Variants in PRDM1 observed in about 807,000 individuals in gnomAD.
The protein encoded by PRDM1 is PR domain zinc finger protein 1.
PRDM1 carries 13 observed loss-of-function variants against 62.8 expected under a neutral mutation model. That is an observed-to-expected ratio of 0.21 (90% CI 0.13 to 0.33). PRDM1 has a LOEUF of 0.33. Ranked by LOEUF, PRDM1 falls within the 10% of genes least tolerant of loss-of-function variation. PRDM1 has a pLI of 1.00. For missense variants in PRDM1, 895 were observed against 1,058.8 expected, an observed-to-expected ratio of 0.85 and a Z score of 2.15; for synonymous variants, 396 against 417.6, an observed-to-expected ratio of 0.95 and a Z score of 0.63.
At chr6:105,998,913 A>T (rs1210580998) in intron 1 of PRDM1, among the ~76,000 whole-genome samples, 4 of 13,844 alleles carry the variant, frequency 2.9e-4, no homozygotes, top group Non-Finnish European at 5.8e-4. Flanking sequence ...ATATATATAT[A>T]TATATATATA....
At chr6:106,071,930 C>T (rs1378317338) in intron 1 of PRDM1, among the ~76,000 whole-genome samples, 2 of 152,156 alleles carry the variant, frequency 1.3e-5, no homozygotes, top group African/African-American at 2.4e-5. Context: ...AATACTGGTG[C>T]CTGGCTCCCA....
At chr6:106,048,713 A>T (rs1773120021) in exon 1 of PRDM1, among the ~76,000 whole-genome samples, 1 of 152,192 alleles carries the variant, frequency 6.6e-6, no homozygotes, top group Non-Finnish European at 1.5e-5. Context: ...AAGGCCAGAA[A>T]GGTAGGGGAA....
At chr6:106,047,038 G>T (rs1206160299), upstream of PRDM1, among the ~76,000 whole-genome samples, 2 of 152,144 alleles carry the variant, frequency 1.3e-5, no homozygotes, top group Non-Finnish European at 2.9e-5. Context: ...TTAAGAGATT[G>T]GTGCTAACCA....
intron 1 of PRDM1, among the ~76,000 whole-genome samples, chr6:106,081,195 A>ACGAATTTGGTTTAGG (rs931863194): frequency 2.6e-5 from 4 of 152,142 alleles, no homozygotes; most frequent in African/African-American, 9.7e-5. Flanking sequence ...AAACTCAGAC[A>ACGAATTTGGTTTAGG]CGAATTTGGT....
rs146791963 is a variant in PRDM1, at chr6:106,036,426, A to G, written c.-67+42787A>G. Among the ~76,000 whole-genome samples the G allele has an allele frequency of 3.2e-3, 482 of 152,312 alleles. 2 individuals are homozygous for G. The highest frequency in any genetic ancestry group is 4.6e-3 in the Non-Finnish European group (315 of 68,040). On this transcript the variant is annotated intron_variant, in intron 1 of 6. Transcript: ENST00000652320. ...TTTGCATTTATTTGTATATTCCGTA[A>G]CTATTTAATTTCTTTGTATTTGCCA... is the stretch of plus-strand genomic sequence containing the variant.
chr6:106,035,159 A>G (rs149870874), intron 1 of PRDM1, among the ~76,000 whole-genome samples: 106 of 152,292 alleles, frequency 7.0e-4, no homozygotes, highest in African/African-American at 2.3e-3. Context: ...CTATTATTGT[A>G]GAACTGACTA....
At chr6:106,038,209 T>C (rs1772949065) in intron 1 of PRDM1, among the ~76,000 whole-genome samples, 1 of 151,930 alleles carries the variant, frequency 6.6e-6, no homozygotes, top group Admixed American at 6.6e-5. Flanking sequence ...GGTTTCGAAC[T>C]ACTGACCTCA....
At chr6:106,078,261 G>T (rs1432924782) in intron 1 of PRDM1, 3 of 152,138 alleles carry the variant, frequency 2.0e-5, no homozygotes, top group South Asian at 2.1e-4. Context: ...TTACCTCCTG[G>T]AAGACATAAA....
At chr6:106,038,165 A>G (rs149668977) in intron 1 of PRDM1, among the ~76,000 whole-genome samples, 77 of 151,362 alleles carry the variant, frequency 5.1e-4, no homozygotes, top group South Asian at 8.4e-4. Context: ...TTCTATTTTT[A>G]GTAGACACAG....
At position 106,042,532 on chromosome 6, in the gene PRDM1, A is replaced by C. The variant is rs533081920; in HGVS notation, c.-66-45669A>C. Among the ~76,000 whole-genome samples the C allele has an allele frequency of 1.0e-3, 158 of 151,808 alleles. 1 individual carries two copies. Among genetic ancestry groups the C allele is most frequent in the African/African-American group, 3.7e-3 (152 of 41,396 alleles). On this transcript the variant is annotated intron_variant, in intron 1 of 6. Transcript: ENST00000652320. ...ACAGGAGTGAAACTCTGTCTCAAAA[A>C]AAAAAAACAAACAAACAACAACAAC...
intron 2 of PRDM1, among the ~76,000 whole-genome samples, chr6:106,089,929 T>G (rs1039355716): frequency 6.6e-6 from 1 of 152,234 alleles, no homozygotes; most frequent in Admixed American, 6.5e-5. Flanking sequence ...AAATCTCCAT[T>G]CTGTGGGTCA....
chr6:106,070,054 T>C (rs1773486472), intron 1 of PRDM1, among the ~76,000 whole-genome samples: 1 of 152,216 alleles, frequency 6.6e-6, no homozygotes, highest in Admixed American at 6.5e-5. Context: ...CATTTGTGTC[T>C]GTTGCATGTT....
chr6:106,091,735 T>C (rs1190214707), intron 2 of PRDM1, among the ~76,000 whole-genome samples: 1 of 151,696 alleles, frequency 6.6e-6, no homozygotes, highest in Non-Finnish European at 1.5e-5. Flanking sequence ...ATCGTGCCAT[T>C]GCACTCCAGC....
Position 106,104,977 on chromosome 6 carries a change from C to G in PRDM1, c.817C>G (p.Pro273Ala), listed in dbSNP as rs746618696. ...GKDLYRSNIS[P>A]LTSEKDLDDF... ...GGACCTCTACCGTTCTAACATTTCA[C>G]CCCTCACATCAGAAAAGGACCTCGA... Residue 273 changes from proline to alanine, a missense_variant, in exon 5 of 7, where the codon CCC becomes GCC. Coordinates refer to ENST00000369096, the MANE Select transcript of PRDM1 (RefSeq NM_001198.4). 6.2e-7 allele frequency: 1 copy of G among 1,614,102 alleles called. No homozygotes were observed. Among genetic ancestry groups the G allele is most frequent in the Non-Finnish European group, 8.5e-7 (1 of 1,180,032 alleles).
chr6:106,041,831 A>C, intron 1 of PRDM1, among the ~76,000 whole-genome samples: 1 of 127,660 alleles, frequency 7.8e-6, no homozygotes, highest in Admixed American at 8.5e-5. Context: ...TTTTTTTGAG[A>C]CCGAGTCTCA....
rs1774497786 is a variant in PRDM1, at chr6:106,106,578, C to G, written c.1902+79C>G. Reference sequence around the variant, plus strand: ...GTCACCCTCCCATGTCCTATATAGCCCGTAGTTAAAGCCAACACCAGATTC... The same window carrying G: ...GTCACCCTCCCATGTCCTATATAGCGCGTAGTTAAAGCCAACACCAGATTC... On this transcript the variant is annotated intron_variant, in intron 6 of 6. Transcript: ENST00000369096. This position sits in a 1 kb window ranked among gnomAD's most constrained non-coding sequence, Gnocchi z 4.4. 1 of 1,572,330 alleles carries G rather than the reference C, an allele frequency of 6.4e-7. No individual in the cohort carries two copies. The highest frequency in any genetic ancestry group is 8.7e-7 in the Non-Finnish European group (1 of 1,155,808).
At chr6:106,051,458 A>T (rs1363942846) in intron 1 of PRDM1, among the ~76,000 whole-genome samples, 1 of 152,204 alleles carries the variant, frequency 6.6e-6, no homozygotes, top group African/African-American at 2.4e-5. Context: ...ATGTTACTTA[A>T]ACTGCTATTT....
At position 106,078,889 on chromosome 6, in the gene PRDM1, G is replaced by A. The variant is rs546267788; in HGVS notation, c.-66-9312G>A. 5.9e-5 allele frequency among the ~76,000 whole-genome samples: 9 copies of A among 152,032 alleles called. No individual in the cohort carries two copies. The South Asian group carries it at 1.9e-3, about 32-fold the overall frequency. ...TAAAATAAAAAATAAAACAGCGTGA[G>A]GGCCTTGAGTAGATCATTTGGGGTC... On this transcript the variant is annotated intron_variant, in intron 1 of 6. Transcript: ENST00000651185.
intron 1 of PRDM1, among the ~76,000 whole-genome samples, chr6:105,993,873 G>T (rs757672863): frequency 6.6e-6 from 1 of 152,216 alleles, no homozygotes; most frequent in Non-Finnish European, 1.5e-5. Flanking sequence ...AGTAGAAAGG[G>T]ACGTTGGATT....
Sources: gnomAD v4.1 joint callset for allele counts (sites outside exome capture counted in the v4.1 genomes callset) on GRCh38, gnomAD v4.1.1 for gene constraint, Gnocchi (gnomAD v3.1) non-coding constraint, MANE v1.5 for transcripts, NCBI Gene and HGNC (gene_info 2026-07-23, HGNC 2026-07-21) for gene names.